Variants in AP3B1 observed in about 807,000 individuals in gnomAD.
The protein encoded by AP3B1 is adaptor related protein complex 3 subunit beta 1, also known as AP-3 complex subunit beta-1.
Under a neutral mutation model 132.5 loss-of-function variants are expected in AP3B1, and 61 were observed. That is an observed-to-expected ratio of 0.46 (90% CI 0.37 to 0.57). The LOEUF (loss-of-function observed/expected upper bound fraction) is 0.57, where lower values mean the gene tolerates loss of function less well. Among genes scored for constraint, AP3B1 ranks in the 20% least tolerant of loss-of-function variants. The probability of loss-of-function intolerance (pLI) is 0.00; values close to 1 mark genes in which losing one functional copy is unlikely to be tolerated. For missense variants in AP3B1, 1,120 were observed against 1,289.4 expected (o/e 0.87, Z 2.01); for synonymous variants, 388 against 438.3 (o/e 0.89, Z 1.43).
intron 22 of AP3B1, among the ~76,000 whole-genome samples, chr5:78,051,614 A>G (rs1748588020): frequency 6.6e-6 from 1 of 152,174 alleles, no homozygotes; most frequent in African/African-American, 2.4e-5. Flanking sequence ...AAGCTTTATG[A>G]AAACAATGTT....
chr5:78,281,307 A>G (rs10077283), intron 1 of AP3B1, among the ~76,000 whole-genome samples: 34,173 of 151,694 alleles, frequency 0.23, 4,515 homozygotes, highest in Middle Eastern at 0.31. Flanking sequence ...GGTGGTGCAT[A>G]CCTGTAATCC....
chr5:78,259,710 G>A (rs985877021), intron 2 of AP3B1, among the ~76,000 whole-genome samples: 8 of 152,172 alleles, frequency 5.3e-5, no homozygotes, highest in African/African-American at 1.7e-4. Flanking sequence ...GCTCACGCCT[G>A]TAATCCCAGC....
intron 22 of AP3B1, among the ~76,000 whole-genome samples, chr5:78,046,704 C>CT (rs36019211): frequency 0.26 from 38,792 of 149,114 alleles, 5,385 homozygotes; most frequent in Admixed American, 0.39. Context: ...AGCCTAGAAT[C>CT]TTTTTTTTTT....
Position 78,294,558 on chromosome 5 carries a change from A to G in AP3B1, c.22T>C (p.Tyr8His), listed in dbSNP as rs1467381566. ...TCCCCTCCTCCGGACTGCTCATTGT[A>G]AGGAAAACTATTGCTGGACATTGCC... MSSNSFP[Y>H]NEQSGGGEAT... The change falls in exon 1 of 27, where the codon TAC becomes CAC. Residue 8 changes from tyrosine (Y) to histidine (H), a missense_variant. Tyr to His is a moderately conservative substitution (Grantham distance 83, BLOSUM62 2). Around this residue, in one of 3 missense-constraint regions of AP3B1, gnomAD observed 85 missense variants for 79.9 expected, o/e 1.06. Transcript: ENST00000255194. 1 of 1,614,156 alleles carries G rather than the reference A, an allele frequency of 6.2e-7. No homozygotes were observed. Among genetic ancestry groups the G allele is most frequent in the South Asian group, 1.1e-5 (1 of 91,090 alleles).
intron 3 of AP3B1, among the ~76,000 whole-genome samples, chr5:78,229,799 G>T (rs1202825327): frequency 6.6e-6 from 1 of 151,986 alleles, no homozygotes; most frequent in Non-Finnish European, 1.5e-5. Flanking sequence ...CACAAGAAAT[G>T]AGGGGAAAAA....
At chr5:78,058,268 G>A (rs1217719515) in intron 22 of AP3B1, among the ~76,000 whole-genome samples, 2 of 152,116 alleles carry the variant, frequency 1.3e-5, no homozygotes, top group Admixed American at 6.6e-5. Flanking sequence ...TTGGGAGGCC[G>A]AGGTGGGCAG....
At chr5:78,276,543 A>G (rs10067031) in intron 1 of AP3B1, among the ~76,000 whole-genome samples, 44,321 of 151,934 alleles carry the variant, frequency 0.29, 6,770 homozygotes, top group Middle Eastern at 0.4. Flanking sequence ...ACCAGCCTAG[A>G]CAACATAACA....
At chr5:78,181,378 C>T in intron 8 of AP3B1, 129 bp downstream of exon 8, 2 of 836,974 alleles carry the variant, frequency 2.4e-6, no homozygotes, top group Non-Finnish European at 3.8e-6. Flanking sequence ...CTATCCATTA[C>T]ATGTCATTTG....
intron 22 of AP3B1, among the ~76,000 whole-genome samples, chr5:78,052,838 C>T (rs1372521651): frequency 6.6e-6 from 1 of 152,152 alleles, no homozygotes; most frequent in African/African-American, 2.4e-5. Flanking sequence ...TGGTAAATAG[C>T]ACCAGAACCA....
At chr5:78,076,261 C>T (rs1268221601) in intron 22 of AP3B1, among the ~76,000 whole-genome samples, 2 of 152,170 alleles carry the variant, frequency 1.3e-5, no homozygotes, top group African/African-American at 4.8e-5. Context: ...TATAAACTTT[C>T]TCAGGGCAAG....
In AP3B1 at chr5:78,122,930, C is replaced by T. The variant is rs1303178764; in HGVS notation, c.1968+5100G>A. Among the ~76,000 whole-genome samples, 96 of 152,288 alleles carry T rather than the reference C, an allele frequency of 6.3e-4. 1 individual carries two copies. In the South Asian group the frequency reaches 0.016, roughly 25 times the overall value. ...AAGAACAAAGCTGGAGGCATCATGC[C>T]ATCTGACTTCAAACTATACTACAAG... is the stretch of plus-strand genomic sequence containing the variant. On this transcript the variant is annotated intron_variant, in intron 17 of 26. Coordinates refer to ENST00000255194, the MANE Select transcript of AP3B1 (RefSeq NM_003664.5).
chr5:78,049,202 C>A (rs530147550), intron 22 of AP3B1, among the ~76,000 whole-genome samples: 48 of 152,300 alleles, frequency 3.2e-4, no homozygotes, highest in African/African-American at 1.1e-3. Context: ...CAACAAAGTA[C>A]GGCTTTGCCT....
rs777424597 is a variant in AP3B1 at position 78,294,605 on chromosome 5, T to C, written c.-26A>G. ...TGCCGCGGTGCTGGCGGGTGCGGGG[T>C]TGGTCCTGCCGGGGGTTCTCTCCAA... On this transcript the variant is annotated 5_prime_UTR_variant, in exon 1 of 27. Transcript: ENST00000255194. 6.8e-6 allele frequency: 11 copies of C among 1,612,798 alleles called. No homozygotes were observed. The South Asian group carries it at 9.9e-5, about 14-fold the overall frequency.
At chr5:78,181,381 G>T in intron 8 of AP3B1, 126 bp downstream of exon 8, 1 of 858,530 alleles carries the variant, frequency 1.2e-6, no homozygotes, top group Non-Finnish European at 1.9e-6. Flanking sequence ...TCCATTACAT[G>T]TCATTTGGTG....
At chr5:78,065,319 T>C (rs960810947) in intron 22 of AP3B1, among the ~76,000 whole-genome samples, 2 of 151,990 alleles carry the variant, frequency 1.3e-5, no homozygotes, top group Non-Finnish European at 2.9e-5. Flanking sequence ...GGGGCAGCCA[T>C]CATCATACAG....
chr5:78,273,998 G>A (rs1748664205), intron 1 of AP3B1, among the ~76,000 whole-genome samples: 1 of 117,856 alleles, frequency 8.5e-6, no homozygotes, highest in Admixed American at 9.3e-5. Flanking sequence ...CTAAAAACAG[G>A]ATGAAATTAC....
At chr5:78,194,434 T>C (rs1489284763) in intron 7 of AP3B1, among the ~76,000 whole-genome samples, 1 of 152,248 alleles carries the variant, frequency 6.6e-6, no homozygotes. Flanking sequence ...TTATCATACA[T>C]GGGATTTCTA....
chr5:78,222,254 T>C (rs1208477680), intron 6 of AP3B1: 1 of 152,998 alleles, frequency 6.5e-6, no homozygotes, highest in Non-Finnish European at 1.5e-5. Context: ...AGACCTGCAG[T>C]GAAAGAACCG....
At chr5:78,130,850 G>A (rs1278641819) in intron 15 of AP3B1, among the ~76,000 whole-genome samples, 1 of 151,850 alleles carries the variant, frequency 6.6e-6, no homozygotes, top group Non-Finnish European at 1.5e-5. Context: ...TAAAGAAAGA[G>A]TCTCTTAATT....
Sources: gnomAD v4.1 joint callset for allele counts (sites outside exome capture counted in the v4.1 genomes callset) on GRCh38, gnomAD v4.1.1 for gene constraint, gnomAD v4.1.1 regional missense constraint, MANE v1.5 for transcripts, NCBI Gene and HGNC (gene_info 2026-07-23, HGNC 2026-07-21) for gene names.